AP5M1: variants seen among roughly 807,000 people sequenced by gnomAD.
The protein encoded by AP5M1 is adaptor related protein complex 5 subunit mu 1, also known as AP-5 complex subunit mu-1.
In AP5M1, 44 loss-of-function variants were observed where a neutral mutation model predicts 52.3. That is an observed-to-expected ratio of 0.84 (90% CI 0.66 to 1.08). The LOEUF (loss-of-function observed/expected upper bound fraction) is 1.08, where lower values mean the gene tolerates loss of function less well. AP5M1 is among the 50% of genes least tolerant of loss of function. The pLI, the probability that AP5M1 is intolerant of heterozygous loss-of-function variation, is 0.00. For synonymous variants in AP5M1, 213 were observed against 199.0 expected, an observed-to-expected ratio of 1.07 and a Z score of -0.59; for missense variants, 526 against 568.4, an observed-to-expected ratio of 0.93 and a Z score of 0.76.
At chr14:57,286,378 C>A in intron 7 of AP5M1, 59 bp downstream of exon 7, 3 of 1,081,934 alleles carry the variant, frequency 2.8e-6, no homozygotes, top group Non-Finnish European at 4.2e-6. Context: ...GCAGTTATTA[C>A]CTAAGGTAAA....
At position 57,292,472 on chromosome 14, in the gene AP5M1, T is replaced by C. The variant is rs1262628269; in HGVS notation, c.*3588T>C. 6.6e-6 allele frequency: 1 copy of C among 151,882 alleles called. No homozygotes were observed. Among genetic ancestry groups the C allele is most frequent in the Non-Finnish European group, 1.5e-5 (1 of 67,848 alleles). 9.4% of individuals were successfully genotyped at this position (151,882 alleles called of 1,614,324 possible). A position where few individuals can be genotyped will look rare whatever the true frequency, so the allele number is the denominator to read the frequency against. Reference sequence around the variant, plus strand: ...GCAATTTATTTTCAGTATTTGAAGATGTAAAGTCCTGTCTGCTAAGTTAGA... The same window carrying C: ...GCAATTTATTTTCAGTATTTGAAGACGTAAAGTCCTGTCTGCTAAGTTAGA... On this transcript the variant is annotated 3_prime_UTR_variant, in exon 8 of 8. Transcript: ENST00000261558.
In AP5M1 at chr14:57,291,038, T is replaced by A. The variant is rs571875155; in HGVS notation, c.*2154T>A. On this transcript the variant is annotated 3_prime_UTR_variant, in exon 8 of 8. Transcript: ENST00000261558. The stretch of plus-strand genomic sequence containing the variant: ...AGAAACAGCTGCATTTCAAAGGGAT[T>A]CCGATTCCAGAAGCTTAATCGTGAT... The A allele has an allele frequency of 1.3e-5, 2 of 152,066 alleles. No individual in the cohort carries two copies. The highest frequency in any genetic ancestry group is 1.9e-4 in the East Asian group (1 of 5,178). 9.4% of individuals were successfully genotyped at this position (152,066 alleles called of 1,614,324 possible).
Position 57,292,740 on chromosome 14 carries a change from G to A in AP5M1, c.*3856G>A, listed in dbSNP as rs761600425. The stretch of plus-strand genomic sequence containing the variant: ...TGAGAAAATGCTTCTGTTTTATTAA[G>A]CTGCATGGTTTCTTCTCACCTTTCC... On this transcript the variant is annotated 3_prime_UTR_variant, in exon 8 of 8. Transcript: ENST00000261558. 2 of 151,682 alleles carry A rather than the reference G, an allele frequency of 1.3e-5. No individual in the cohort carries two copies. The highest frequency in any genetic ancestry group is 4.1e-4 in the South Asian group (2 of 4,830). The allele number at this position is 151,682 out of a possible 1,614,324, so 9.4% of individuals were successfully genotyped here.
rs1051293476 is a variant in AP5M1, at chr14:57,297,503, C to G, written c.*8619C>G. 2 of 152,080 alleles carry G rather than the reference C, an allele frequency of 1.3e-5. No homozygotes were observed. Among genetic ancestry groups the G allele is most frequent in the African/African-American group, 4.8e-5 (2 of 41,416 alleles). The allele number at this position is 152,080 out of a possible 1,614,324, so 9.4% of individuals were successfully genotyped here. A position where few individuals can be genotyped will look rare whatever the true frequency, so the allele number is the denominator to read the frequency against. Reference sequence around the variant, plus strand: ...TAGTCAATTGATAAACTAAATTTTTCTTTAGGATAGTTCACATCCAGTAGA... The same window carrying G: ...TAGTCAATTGATAAACTAAATTTTTGTTTAGGATAGTTCACATCCAGTAGA... On this transcript the variant is annotated 3_prime_UTR_variant, in exon 8 of 8. Transcript: ENST00000261558.
At chr14:57,286,782 G>GTGTATAGTA (rs1171993145) in intron 7 of AP5M1, among the ~76,000 whole-genome samples, 2 of 152,102 alleles carry the variant, frequency 1.3e-5, no homozygotes, top group Non-Finnish European at 2.9e-5. Context: ...TATTGACTTA[G>GTGTATAGTA]TATGATGCTT....
intron 6 of AP5M1, among the ~76,000 whole-genome samples, chr14:57,285,748 T>C (rs992688209): frequency 6.6e-6 from 1 of 152,200 alleles, no homozygotes; most frequent in Admixed American, 6.5e-5. Flanking sequence ...AAAAGACTTA[T>C]GATCTAGAAT....
Position 57,292,429 on chromosome 14 carries a change from A to T in AP5M1, c.*3545A>T, listed in dbSNP as rs1446139869. 6.6e-6 allele frequency: 1 copy of T among 151,846 alleles called. No homozygotes were observed. The highest frequency in any genetic ancestry group is 6.6e-5 in the Admixed American group (1 of 15,212). The allele number at this position is 151,846 out of a possible 1,614,324, so 9.4% of individuals were successfully genotyped here. The stretch of plus-strand genomic sequence containing the variant: ...GTGCGTTTATTCTCTATAACCTTTT[A>T]AAGCAAGGGCCAAGAATGCAATTTA... On this transcript the variant is annotated 3_prime_UTR_variant, in exon 8 of 8. Transcript: ENST00000261558.
rs539914238 is a variant in AP5M1, at chr14:57,281,897, G to A, written c.949-192G>A. On this transcript the variant is annotated intron_variant, in intron 3 of 7. Coordinates refer to ENST00000261558, the MANE Select transcript of AP5M1 (RefSeq NM_018229.4). ...AGAATGCATTGTACACCTTTGTAAAGCGCTTTTCTCATCTCCGAAAACAAA... is the reference window on the plus strand; with the variant it reads ...AGAATGCATTGTACACCTTTGTAAAACGCTTTTCTCATCTCCGAAAACAAA... Among the ~76,000 whole-genome samples the A allele has an allele frequency of 5.3e-5, 8 of 152,260 alleles. No homozygotes were observed. The East Asian group carries it at 1.5e-3, about 29-fold the overall frequency.
chr14:57,287,231 T>A (rs1885331306), intron 7 of AP5M1, among the ~76,000 whole-genome samples: 1 of 152,118 alleles, frequency 6.6e-6, no homozygotes, highest in African/African-American at 2.4e-5. Flanking sequence ...ACACACATTT[T>A]TATTATTATA....
intron 2 of AP5M1, among the ~76,000 whole-genome samples, chr14:57,276,208 G>A (rs1354492596): frequency 6.6e-6 from 1 of 152,084 alleles, no homozygotes; most frequent in Non-Finnish European, 1.5e-5. Flanking sequence ...CAAAATTGAG[G>A]TGTTCATGGA....
chr14:57,274,934 A>G, intron 2 of AP5M1, 45 bp downstream of exon 2: 3 of 1,603,872 alleles, frequency 1.9e-6, no homozygotes, highest in South Asian at 2.2e-5. Flanking sequence ...TATTTAACAT[A>G]TGGAGAAAAG....
intron 2 of AP5M1, among the ~76,000 whole-genome samples, chr14:57,278,014 C>G (rs1885082090): frequency 6.6e-6 from 1 of 152,070 alleles, no homozygotes. Context: ...TAAAATATTT[C>G]TGCTGAAACA....
rs1566514123 is a variant in AP5M1 at position 57,274,831 on chromosome 14, A to C, written c.662A>C (p.Gln221Pro). 1 of 1,614,202 alleles carries C rather than the reference A, an allele frequency of 6.2e-7. No individual in the cohort carries two copies. Among genetic ancestry groups the C allele is most frequent in the Non-Finnish European group, 8.5e-7 (1 of 1,180,028 alleles). Residue 221 changes from glutamine (Q) to proline (P), a missense_variant, in exon 2 of 8, where the codon CAA becomes CCA. Gln to Pro is a moderately conservative substitution (Grantham distance 76). Transcript: ENST00000261558. ...ISITEKVKSM[Q>P]YDKQGIADTW... ...ATCACTGAAAAGGTAAAATCCATGC[A>C]ATATGATAAACAGGGTATAGCAGAT...
intron 7 of AP5M1, among the ~76,000 whole-genome samples, chr14:57,287,797 C>A (rs60737664): frequency 0.013 from 1,973 of 151,928 alleles, 34 homozygotes; most frequent in South Asian, 0.061. Context: ...ATAATAATAC[C>A]AATTTAAATA....
At chr14:57,278,407 G>A (rs552700245) in intron 2 of AP5M1, 17 of 152,342 alleles carry the variant, frequency 1.1e-4, no homozygotes, top group African/African-American at 3.8e-4. Flanking sequence ...GTCCGCAGAA[G>A]TGCAGCATCT....
chr14:57,280,751 C>T (rs1243652951), intron 3 of AP5M1, among the ~76,000 whole-genome samples: 2 of 151,354 alleles, frequency 1.3e-5, no homozygotes, highest in Non-Finnish European at 2.9e-5. Flanking sequence ...CTTGGGTGGC[C>T]GAGGCAGGAG....
rs1885393990 is a variant in AP5M1 at position 57,289,619 on chromosome 14, T to A, written c.*735T>A. 1 of 152,056 alleles carries A rather than the reference T, an allele frequency of 6.6e-6. No homozygotes were observed. The highest frequency in any genetic ancestry group is 1.5e-5 in the Non-Finnish European group (1 of 67,954). The allele number at this position is 152,056 out of a possible 1,614,324, so 9.4% of individuals were successfully genotyped here. On this transcript the variant is annotated 3_prime_UTR_variant, in exon 8 of 8. Transcript: ENST00000261558. The stretch of plus-strand genomic sequence containing the variant: ...GGATGTCAGTAGCCATATTAAGATG[T>A]GTAGAATACCTTCAGAAGATGATCA...
rs1416194134 is a variant in AP5M1 at position 57,291,651 on chromosome 14, A to G, written c.*2767A>G. The G allele has an allele frequency of 6.6e-6, 1 of 151,862 alleles. No individual in the cohort carries two copies. Among genetic ancestry groups the G allele is most frequent in the African/African-American group, 2.4e-5 (1 of 41,412 alleles). 9.4% of individuals were successfully genotyped at this position (151,862 alleles called of 1,614,324 possible). A position where few individuals can be genotyped will look rare whatever the true frequency, so the allele number is the denominator to read the frequency against. The stretch of plus-strand genomic sequence containing the variant: ...TTTTTATTAAACATTAGTCTGTCCC[A>G]TAAAATCGTTTTCATTTTTTTCACA... On this transcript the variant is annotated 3_prime_UTR_variant, in exon 8 of 8. Transcript: ENST00000261558.
intron 6 of AP5M1, among the ~76,000 whole-genome samples, chr14:57,283,756 C>T (rs1272202021): frequency 6.6e-6 from 1 of 152,102 alleles, no homozygotes. Flanking sequence ...GAGGCCAAGG[C>T]AGGTGGATCG....
Sources: allele counts gnomAD v4.1 joint callset (sites outside exome capture counted in the v4.1 genomes callset), GRCh38; gene constraint gnomAD v4.1.1; transcripts MANE v1.5; gene names NCBI Gene and HGNC (gene_info 2026-07-23, HGNC 2026-07-21).